ASIC2: variants seen among roughly 807,000 people sequenced by gnomAD.
The protein encoded by ASIC2 is acid sensing ion channel subunit 2.
ASIC2 carries 25 observed loss-of-function variants against 57.3 expected under a neutral mutation model. That is an observed-to-expected ratio of 0.44 (90% CI 0.32 to 0.61). The LOEUF (loss-of-function observed/expected upper bound fraction) is 0.61. ASIC2 is among the 20% of genes least tolerant of loss of function. The probability of loss-of-function intolerance (pLI) is 0.06; values close to 1 mark genes in which losing one functional copy is unlikely to be tolerated. For missense variants in ASIC2, 641 were observed against 738.1 expected, an observed-to-expected ratio of 0.87 and a Z score of 1.52; for synonymous variants, 319 against 307.5, an observed-to-expected ratio of 1.04 and a Z score of -0.39.
intron 1 of ASIC2, among the ~76,000 whole-genome samples, chr17:33,475,949 A>C (rs546108976): frequency 1.1e-4 from 17 of 152,308 alleles, no homozygotes; most frequent in African/African-American, 4.1e-4. Context: ...ATAATTATCA[A>C]AATTTCCAGA....
chr17:33,737,303 C>T (rs181065893), intron 1 of ASIC2, among the ~76,000 whole-genome samples: 118 of 152,362 alleles, frequency 7.7e-4, no homozygotes, highest in African/African-American at 2.6e-3. Flanking sequence ...TTAGCTATTA[C>T]GAACAAGAGG....
intron 1 of ASIC2, among the ~76,000 whole-genome samples, chr17:33,748,509 C>T (rs1276097055): frequency 6.6e-6 from 1 of 152,236 alleles, no homozygotes; most frequent in Non-Finnish European, 1.5e-5. Context: ...AAAAGCAGGG[C>T]TTCCTGATAG....
chr17:33,200,987 C>T (rs1462709533), intron 1 of ASIC2, among the ~76,000 whole-genome samples: 1 of 152,156 alleles, frequency 6.6e-6, no homozygotes, highest in Non-Finnish European at 1.5e-5. Flanking sequence ...AATGCTCCTT[C>T]CCCAGAGTCA....
At chr17:33,613,376 T>G (rs1905478395) in intron 1 of ASIC2, among the ~76,000 whole-genome samples, 1 of 149,182 alleles carries the variant, frequency 6.7e-6, no homozygotes, top group African/African-American at 2.5e-5. Flanking sequence ...ATTCTTTTTT[T>G]TTTTTTTTTT....
chr17:33,850,213 T>C (rs936842175), intron 1 of ASIC2, among the ~76,000 whole-genome samples: 1 of 152,200 alleles, frequency 6.6e-6, no homozygotes, highest in Non-Finnish European at 1.5e-5. Context: ...ATGGGAGTGA[T>C]GCAGGCCGAC....
At chr17:33,749,274 T>C (rs556291703) in intron 1 of ASIC2, among the ~76,000 whole-genome samples, 2 of 151,756 alleles carry the variant, frequency 1.3e-5, no homozygotes, top group East Asian at 3.9e-4. Context: ...AAGACCCCTC[T>C]CCTTCTCCAG....
intron 1 of ASIC2, among the ~76,000 whole-genome samples, chr17:33,604,252 C>CTTTG (rs561542308): frequency 1.3e-5 from 2 of 152,186 alleles, no homozygotes; most frequent in Non-Finnish European, 1.5e-5. Context: ...ACTCCAAAAT[C>CTTTG]TTTGGTTGTT....
At chr17:33,485,995 C>A (rs963882276) in intron 1 of ASIC2, among the ~76,000 whole-genome samples, 1 of 152,310 alleles carries the variant, frequency 6.6e-6, no homozygotes, top group African/African-American at 2.4e-5. Context: ...GCCACCTTGC[C>A]CCCGCCTCAC....
intron 1 of ASIC2, among the ~76,000 whole-genome samples, chr17:33,267,848 GGT>G (rs1203705098): frequency 1.3e-5 from 2 of 152,142 alleles, no homozygotes; most frequent in African/African-American, 4.8e-5. Flanking sequence ...CACAATCCCT[GGT>G]GTTTCCTTGA....
chr17:33,830,885 T>C (rs1485475287), intron 1 of ASIC2, among the ~76,000 whole-genome samples: 1 of 151,408 alleles, frequency 6.6e-6, no homozygotes, highest in African/African-American at 2.4e-5. Flanking sequence ...CCAAAGTGGG[T>C]GGATCATCTG....
intron 1 of ASIC2, among the ~76,000 whole-genome samples, chr17:34,046,210 C>T (rs1269393269): frequency 6.6e-6 from 1 of 152,208 alleles, no homozygotes; most frequent in Non-Finnish European, 1.5e-5. Context: ...CAGCTGAGCC[C>T]TAACCAATTT....
chr17:33,995,511 CTTATT>C (rs1048830746), intron 1 of ASIC2, among the ~76,000 whole-genome samples: 3 of 152,052 alleles, frequency 2.0e-5, no homozygotes, highest in African/African-American at 4.8e-5. Flanking sequence ...AAAAATTGTT[CTTATT>C]TTATTCTATT....
chr17:33,803,577 T>C (rs1033734111), intron 1 of ASIC2, among the ~76,000 whole-genome samples: 1 of 150,958 alleles, frequency 6.6e-6, no homozygotes, highest in Admixed American at 6.6e-5. Context: ...ACCAACACAT[T>C]TCCCTTTTCT....
chr17:33,757,692 C>A (rs1053293161), intron 1 of ASIC2, among the ~76,000 whole-genome samples: 3 of 152,204 alleles, frequency 2.0e-5, no homozygotes, highest in African/African-American at 7.2e-5. Flanking sequence ...TCAAAACACT[C>A]TTCTGTATTC....
chr17:33,779,192 T>G (rs976472565), intron 1 of ASIC2, among the ~76,000 whole-genome samples: 2 of 152,182 alleles, frequency 1.3e-5, no homozygotes, highest in African/African-American at 4.8e-5. Flanking sequence ...CACATTTGGC[T>G]TCCCAGGGTG....
chr17:33,047,999 T>C (rs2091961908), intron 3 of ASIC2, among the ~76,000 whole-genome samples: 1 of 152,218 alleles, frequency 6.6e-6, no homozygotes, highest in Non-Finnish European at 1.5e-5. Context: ...GTGACAATTT[T>C]TGGAGACAGA....
intron 1 of ASIC2, among the ~76,000 whole-genome samples, chr17:33,926,186 A>G (rs1915818265): frequency 6.6e-6 from 1 of 152,210 alleles, no homozygotes; most frequent in South Asian, 2.1e-4. Flanking sequence ...TGAGAGGTCT[A>G]AAAATACAAA....
At chr17:33,023,717 G>A (rs1478766981) in intron 6 of ASIC2, 144 bp downstream of exon 6, 17 of 1,094,720 alleles carry the variant, frequency 1.6e-5, no homozygotes, top group Non-Finnish European at 2.1e-5. Flanking sequence ...AACATGGAGC[G>A]CAGAGCGTGA....
At chr17:33,191,383 A>G (rs1256617622) in intron 1 of ASIC2, among the ~76,000 whole-genome samples, 1 of 152,106 alleles carries the variant, frequency 6.6e-6, no homozygotes, top group Non-Finnish European at 1.5e-5. Context: ...GTGGGGGGTA[A>G]TGGAATTTTT....
Sources: gnomAD v4.1 joint callset for allele counts (sites outside exome capture counted in the v4.1 genomes callset) on GRCh38, gnomAD v4.1.1 for gene constraint, MANE v1.5 for transcripts, NCBI Gene and HGNC (gene_info 2026-07-23, HGNC 2026-07-21) for gene names.